Variants in PLEKHM3 observed in about 807,000 individuals in gnomAD.
PLEKHM3 encodes the protein pleckstrin homology domain-containing family M member 3.
In PLEKHM3, 45 loss-of-function variants were observed where a neutral mutation model predicts 81.8. The observed-to-expected ratio is 0.55, with a 90% CI of 0.43 to 0.71. The LOEUF (loss-of-function observed/expected upper bound fraction) is 0.71, where lower values mean the gene tolerates loss of function less well. Ranked by LOEUF, PLEKHM3 falls within the 30% of genes least tolerant of loss-of-function variation. PLEKHM3 has a pLI of 0.00. For missense variants in PLEKHM3, 788 were observed against 924.3 expected, an observed-to-expected ratio of 0.85 and a Z score of 1.91; for synonymous variants, 352 against 356.4, an observed-to-expected ratio of 0.99 and a Z score of 0.14.
In PLEKHM3 at chr2:207,865,801, A is replaced by AATAT; in HGVS notation, c.1951-4540_1951-4539insATAT. 1.7e-3 allele frequency among the ~76,000 whole-genome samples: 44 copies of AATAT among 25,288 alleles called. 5 individuals are homozygous for AATAT. Among genetic ancestry groups the AATAT allele is most frequent in the African/African-American group, 8.8e-3 (42 of 4,792 alleles). The allele number at this position is 25,288 out of a possible 152,430, so 16.6% of individuals were successfully genotyped here. A position where few individuals can be genotyped will look rare whatever the true frequency, so the allele number is the denominator to read the frequency against. The stretch of plus-strand genomic sequence containing the variant: ...CGACTCAAAAAAAAAAAAAAAAAAA[A>AATAT]AGATATATATATATATATATATATA... On this transcript the variant is annotated intron_variant, in intron 6 of 7. Coordinates refer to ENST00000427836, the MANE Select transcript of PLEKHM3 (RefSeq NM_001080475.3).
chr2:207,898,653 G>C (rs1688322422), intron 6 of PLEKHM3, among the ~76,000 whole-genome samples: 2 of 152,142 alleles, frequency 1.3e-5, no homozygotes, highest in African/African-American at 4.8e-5. Context: ...AGCTACACAG[G>C]GGGCTGAGGT....
At chr2:207,971,077 C>G (rs554659974) in intron 3 of PLEKHM3, among the ~76,000 whole-genome samples, 6 of 152,332 alleles carry the variant, frequency 3.9e-5, no homozygotes, top group African/African-American at 1.4e-4. Context: ...AGTGGGCCAT[C>G]CAATTTCATC....
chr2:207,838,946 T>A (rs1052745851), intron 7 of PLEKHM3, among the ~76,000 whole-genome samples: 1 of 152,192 alleles, frequency 6.6e-6, no homozygotes, highest in Non-Finnish European at 1.5e-5. Context: ...TTTAGAATTA[T>A]CTTGCTACAT....
intron 1 of PLEKHM3, among the ~76,000 whole-genome samples, chr2:208,010,987 A>G (rs1356643828): frequency 1.3e-5 from 2 of 151,850 alleles, no homozygotes; most frequent in Non-Finnish European, 2.9e-5. Context: ...AAAATGCTCA[A>G]CATCACTAAT....
In PLEKHM3 at chr2:207,924,424, C is replaced by A. The variant is rs537440126; in HGVS notation, c.1886+6502G>T. Among the ~76,000 whole-genome samples, 11 of 152,060 alleles carry A rather than the reference C, an allele frequency of 7.2e-5. No homozygotes were observed. The South Asian group carries it at 1.2e-3, about 17-fold the overall frequency. ...ATAAGGCCAGGTGTGGCAGCTCATG[C>A]CTGTAATCCCAGCACTTGGGGACGC... On this transcript the variant is annotated intron_variant, in intron 5 of 7. Transcript: ENST00000427836.
At chr2:208,020,519 C>T (rs1693090342) in intron 1 of PLEKHM3, among the ~76,000 whole-genome samples, 1 of 152,146 alleles carries the variant, frequency 6.6e-6, no homozygotes, top group Non-Finnish European at 1.5e-5. Flanking sequence ...CTGGTATGAT[C>T]CCACAGTAGC....
chr2:207,946,101 G>A (rs988918522), intron 4 of PLEKHM3, among the ~76,000 whole-genome samples: 8 of 152,088 alleles, frequency 5.3e-5, no homozygotes, highest in African/African-American at 1.9e-4. Context: ...TAATAAAAGA[G>A]GCTCCTCTCT....
chr2:207,915,348 A>G (rs952349824), intron 5 of PLEKHM3, among the ~76,000 whole-genome samples: 3 of 152,216 alleles, frequency 2.0e-5, no homozygotes, highest in Non-Finnish European at 4.4e-5. Context: ...AAAAAGGTAG[A>G]AGGGCCTCAT....
chr2:207,868,326 G>C (rs2092513572), intron 6 of PLEKHM3, among the ~76,000 whole-genome samples: 1 of 151,934 alleles, frequency 6.6e-6, no homozygotes, highest in African/African-American at 2.4e-5. Flanking sequence ...TCAGAAACTG[G>C]GGTATTTTCC....
intron 4 of PLEKHM3, among the ~76,000 whole-genome samples, chr2:207,935,271 G>A (rs534683937): frequency 2.0e-5 from 3 of 152,218 alleles, no homozygotes; most frequent in South Asian, 2.1e-4. Context: ...ATCTTGTACC[G>A]AAGAAAACCT....
chr2:207,978,153 T>C (rs1691383750), intron 2 of PLEKHM3, among the ~76,000 whole-genome samples: 1 of 151,814 alleles, frequency 6.6e-6, no homozygotes, highest in Admixed American at 6.6e-5. Flanking sequence ...GTATGGGGCA[T>C]GGAACGTGCA....
intron 4 of PLEKHM3, among the ~76,000 whole-genome samples, chr2:207,946,069 GAAGAT>G (rs1379048237): frequency 2.6e-5 from 4 of 152,082 alleles, no homozygotes; most frequent in African/African-American, 9.7e-5. Flanking sequence ...TTGTAATGTT[GAAGAT>G]AAGATCAAAT....
At chr2:207,973,467 G>A (rs1203898280) in intron 3 of PLEKHM3, among the ~76,000 whole-genome samples, 5 of 152,156 alleles carry the variant, frequency 3.3e-5, no homozygotes, top group Admixed American at 3.3e-4. Flanking sequence ...TGGCACAGGC[G>A]GTGGCTTACG....
In PLEKHM3 at chr2:207,843,004, T is replaced by C. The variant is rs1575272819; in HGVS notation, c.2109-14508A>G. On this transcript the variant is annotated intron_variant, in intron 7 of 7. Transcript: ENST00000427836. This position sits in a 1 kb window ranked among gnomAD's most constrained non-coding sequence, Gnocchi z 4.4. ...TTCCATCACCCAGGCTGGAGTGCAG[T>C]GGTGTGATCACGGCTCACTGCAACC... Among the ~76,000 whole-genome samples the C allele has an allele frequency of 2.6e-5, 4 of 152,236 alleles. No homozygotes were observed. Among genetic ancestry groups the C allele is most frequent in the Admixed American group, 2.6e-4 (4 of 15,292 alleles).
At chr2:207,913,137 AGAG>A (rs1361434763) in intron 5 of PLEKHM3, among the ~76,000 whole-genome samples, 3 of 152,112 alleles carry the variant, frequency 2.0e-5, no homozygotes, top group Admixed American at 6.6e-5. Context: ...GGACTAAGGA[AGAG>A]GAGTTGTCTT....
intron 5 of PLEKHM3, among the ~76,000 whole-genome samples, chr2:207,910,560 A>G (rs1688778795): frequency 6.6e-6 from 1 of 152,210 alleles, no homozygotes; most frequent in Non-Finnish European, 1.5e-5. Context: ...TTTCAAGGCC[A>G]GGACTTTCTG....
At position 207,825,290 on chromosome 2, in the gene PLEKHM3, G is replaced by A. The variant is rs1237041256; in HGVS notation, c.*3029C>T. 6.6e-6 allele frequency: 1 copy of A among 152,168 alleles called. No individual in the cohort carries two copies. Among genetic ancestry groups the A allele is most frequent in the African/African-American group, 2.4e-5 (1 of 41,442 alleles). The allele number at this position is 152,168 out of a possible 1,614,324, so 9.4% of individuals were successfully genotyped here. On this transcript the variant is annotated 3_prime_UTR_variant, in exon 8 of 8. Coordinates refer to ENST00000427836, the MANE Select transcript of PLEKHM3 (RefSeq NM_001080475.3). ...ACACATGAGTTTCTGGCACTTTTAG[G>A]AGGGATTTCCTCAAGTGATACACTA...
intron 3 of PLEKHM3, among the ~76,000 whole-genome samples, chr2:207,970,060 C>T (rs145328918): frequency 9.5e-4 from 145 of 152,106 alleles, no homozygotes; most frequent in African/African-American, 3.2e-3. Flanking sequence ...AAACAGAGTA[C>T]GGGGAGAGGA....
At chr2:207,963,884 T>C (rs977828704) in intron 3 of PLEKHM3, among the ~76,000 whole-genome samples, 3 of 152,168 alleles carry the variant, frequency 2.0e-5, no homozygotes, top group African/African-American at 7.2e-5. Context: ...CTATATAAAC[T>C]AGAGAAAACT....
Sources: allele counts gnomAD v4.1 joint callset (sites outside exome capture counted in the v4.1 genomes callset), GRCh38; gene constraint gnomAD v4.1.1; non-coding constraint Gnocchi (gnomAD v3.1); transcripts MANE v1.5; gene names NCBI Gene and HGNC (gene_info 2026-07-23, HGNC 2026-07-21).